Variants in PXDN observed in about 807,000 individuals in gnomAD.
PXDN encodes peroxidasin.
Under a neutral mutation model 140.3 loss-of-function variants are expected in PXDN, and 77 were observed. The observed-to-expected ratio is 0.55, with a 90% CI of 0.46 to 0.66. PXDN has a LOEUF of 0.66. Ranked by LOEUF, PXDN falls within the 30% of genes least tolerant of loss-of-function variation. PXDN has a pLI of 0.00. For synonymous variants in PXDN, 911 were observed against 857.4 expected, an observed-to-expected ratio of 1.06 and a Z score of -1.09; for missense variants, 1,838 against 2,039.5, an observed-to-expected ratio of 0.90 and a Z score of 1.90.
chr2:1,704,485 C>T (rs1684537600), intron 1 of PXDN, among the ~76,000 whole-genome samples: 1 of 72,980 alleles, frequency 1.4e-5, no homozygotes, highest in Non-Finnish European at 2.4e-5. Context: ...GGGGGGGCAA[C>T]TCCAGGTGAA....
At chr2:1,733,315 T>C (rs1205527700) in intron 1 of PXDN, among the ~76,000 whole-genome samples, 11 of 152,042 alleles carry the variant, frequency 7.2e-5, no homozygotes, top group Non-Finnish European at 1.3e-4. Context: ...CCAAGGCATA[T>C]CATAATCCAA....
intron 9 of PXDN, 128 bp downstream of exon 9, chr2:1,673,515 C>T: frequency 7.8e-7 from 1 of 1,286,750 alleles, no homozygotes; most frequent in South Asian, 1.4e-5. Flanking sequence ...TGAGCCAACC[C>T]TGGTACTGGA....
intron 9 of PXDN, among the ~76,000 whole-genome samples, chr2:1,670,756 C>A (rs576863986): frequency 2.6e-5 from 4 of 152,150 alleles, no homozygotes; most frequent in Admixed American, 2.6e-4. Context: ...TCAACACAGG[C>A]CCATGAAGAG....
chr2:1,736,480 G>T (rs1459133441), intron 1 of PXDN, among the ~76,000 whole-genome samples: 1 of 152,108 alleles, frequency 6.6e-6, no homozygotes, highest in Non-Finnish European at 1.5e-5. Context: ...TCTTACATGG[G>T]TGTGGTTTAT....
intron 1 of PXDN, among the ~76,000 whole-genome samples, chr2:1,730,081 C>T (rs1019256931): frequency 4.6e-5 from 7 of 152,198 alleles, no homozygotes; most frequent in South Asian, 2.1e-4. Context: ...GTACTACACA[C>T]GCCTGAATGC....
At chr2:1,634,912 C>T (rs527717876) in intron 22 of PXDN, among the ~76,000 whole-genome samples, 143 of 151,460 alleles carry the variant, frequency 9.4e-4, no homozygotes, top group African/African-American at 3.4e-3. Context: ...CTGTCCATTG[C>T]CGGCACCAGG....
chr2:1,639,078 TG>T lies in PXDN; in HGVS notation c.4074-101del, dbSNP rs1250675891. 9.7e-6 allele frequency: 1 copy of T among 102,690 alleles called. No homozygotes were observed. The highest frequency in any genetic ancestry group is 1.3e-5 in the Non-Finnish European group (1 of 79,738). 6.4% of individuals were successfully genotyped at this position (102,690 alleles called of 1,614,324 possible). ...TGGGTGTGCACCGCCCCTGATGCTC[TG>T]AGCTGGGTCTCATTTCAAGGTTTCC... On this transcript the variant is annotated intron_variant, in intron 20 of 22. Transcript: ENST00000252804. The surrounding 1 kb of genome is among the most constrained non-coding windows in gnomAD (Gnocchi z 5.0).
Position 1,648,440 on chromosome 2 carries a change from T to C in PXDN, c.3340A>G (p.Ile1114Val), listed in dbSNP as rs777186666. The stretch of plus-strand genomic sequence containing the variant: ...AACAGCCCCCTGAGAAGCGGATCGA[T>C]GCCGCCCTCATTCACAATCCGGAAG... ...SPFRIVNEGGIDPLLRGLFGV... is the reference protein window; with the variant it reads ...SPFRIVNEGGVDPLLRGLFGV... Residue 1114 changes from isoleucine to valine, a missense_variant, in exon 17 of 23, where the codon ATC becomes GTC. Ile to Val is a conservative substitution (Grantham distance 29). Coordinates refer to ENST00000252804, the MANE Select transcript of PXDN (RefSeq NM_012293.3). The surrounding 1 kb of genome is among the most constrained non-coding windows in gnomAD (Gnocchi z 8.9). The C allele has an allele frequency of 3.7e-6, 6 of 1,610,616 alleles. No individual in the cohort carries two copies. Among genetic ancestry groups the C allele is most frequent in the Non-Finnish European group, 5.1e-6 (6 of 1,179,850 alleles).
At chr2:1,653,216 C>CA (rs1337709897) in intron 16 of PXDN, 9 of 321,772 alleles carry the variant, frequency 2.8e-5, no homozygotes, top group African/African-American at 1.9e-4. Context: ...GGGACTCTTC[C>CA]AAAACAACCC....
At chr2:1,673,566 T>C (rs1683626005) in intron 9 of PXDN, 77 bp downstream of exon 9, 5 of 1,499,918 alleles carry the variant, frequency 3.3e-6, no homozygotes, top group Non-Finnish European at 4.5e-6. Context: ...TATTTTGGGG[T>C]GCAAGGAAAG....
At chr2:1,646,271 C>A (rs1682848986) in intron 17 of PXDN, 1 of 152,216 alleles carries the variant, frequency 6.6e-6, no homozygotes, top group Non-Finnish European at 1.5e-5. Flanking sequence ...ACATCCTTAA[C>A]TTCTTTACCA....
rs773022517 is a variant in PXDN at position 1,638,967 on chromosome 2, T to G, written c.4085A>C (p.Gln1362Pro). 32 of 1,613,858 alleles carry G rather than the reference T, an allele frequency of 2.0e-5. No homozygotes were observed. The highest frequency in any genetic ancestry group is 2.5e-5 in the Non-Finnish European group (30 of 1,179,862). The change falls in exon 21 of 23, where the codon CAG becomes CCG. Residue 1362 changes from glutamine to proline, a missense_variant. Gln to Pro is a moderately conservative substitution (Grantham distance 76, BLOSUM62 -1). This residue lies in a region of PXDN where 850 missense variants were observed against 894.1 expected (regional missense o/e 0.95). Coordinates refer to ENST00000252804, the MANE Select transcript of PXDN (RefSeq NM_012293.3). The stretch of plus-strand genomic sequence containing the variant: ...GGTGCTGTTGCTGAGATGTTCCCCC[T>G]GTCTCCCAACACTGTGGTGAGGGGA... ...RPRKIPSVGRQGEHLSNSTSA... is the reference protein window; with the variant it reads ...RPRKIPSVGRPGEHLSNSTSA...
At chr2:1,695,960 C>A (rs1572166907) in intron 1 of PXDN, among the ~76,000 whole-genome samples, 1 of 127,394 alleles carries the variant, frequency 7.8e-6, no homozygotes, top group African/African-American at 3.0e-5. Context: ...GGTCTGAGCA[C>A]CTGAGAGGTG....
intron 14 of PXDN, among the ~76,000 whole-genome samples, chr2:1,658,566 C>A (rs553182148): frequency 2.0e-4 from 30 of 152,076 alleles, no homozygotes; most frequent in South Asian, 6.2e-4. Flanking sequence ...CCCCCACTAT[C>A]CTCCCCGACA....
intron 1 of PXDN, among the ~76,000 whole-genome samples, chr2:1,709,087 C>T (rs1182105190): frequency 3.3e-5 from 5 of 152,196 alleles, no homozygotes; most frequent in African/African-American, 9.7e-5. Context: ...CTGGTCCCTG[C>T]GCCCTGGCTC....
At chr2:1,673,868 A>G in intron 8 of PXDN, 56 bp from the exon 9 acceptor site, 1 of 1,581,258 alleles carries the variant, frequency 6.3e-7, no homozygotes, top group Non-Finnish European at 8.7e-7. Flanking sequence ...GACGTACCTC[A>G]CCCATCCCCA....
rs1558494438 is a variant in PXDN at position 1,658,068 on chromosome 2, CTCTCTCTCTCT to C, written c.1837+2802_1837+2812del. ...TCTCTCTCTCTCTCTCTCTCTCTCTCTCTCTCTCTCTCTCTCTCTCTCTCTGTTACAGTGTC... is the reference window on the plus strand; with the variant it reads ...TCTCTCTCTCTCTCTCTCTCTCTCTCCTCTCTCTCTCTCTGTTACAGTGTC... On this transcript the variant is annotated intron_variant, in intron 14 of 22. Coordinates refer to ENST00000252804, the MANE Select transcript of PXDN (RefSeq NM_012293.3). 3.9e-4 allele frequency among the ~76,000 whole-genome samples: 48 copies of C among 122,444 alleles called. 6 individuals carry two copies. Among genetic ancestry groups the C allele is most frequent in the African/African-American group, 1.5e-3 (44 of 29,192 alleles). The allele number at this position is 122,444 out of a possible 152,430, so 80.3% of individuals were successfully genotyped here. A position where few individuals can be genotyped will look rare whatever the true frequency, so the allele number is the denominator to read the frequency against.
intron 8 of PXDN, among the ~76,000 whole-genome samples, chr2:1,674,589 G>T (rs34833393): frequency 0.35 from 52,474 of 152,004 alleles, 10,592 homozygotes; most frequent in East Asian, 0.53. Context: ...TTACCCCAAC[G>T]CTCAGTCCTG....
At position 1,648,335 on chromosome 2, in the gene PXDN, T is replaced by C. The variant is rs770653513; in HGVS notation, c.3445A>G (p.Thr1149Ala). The C allele has an allele frequency of 3.0e-5, 48 of 1,613,828 alleles. No homozygotes were observed. The highest frequency in any genetic ancestry group is 3.7e-5 in the Non-Finnish European group (44 of 1,179,888). ...ATGGCCGCCAGGTCCAGAGCCACCGTGTGTGCCATGGAGAACAGCCGCTCC... is the reference window on the plus strand; with the variant it reads ...ATGGCCGCCAGGTCCAGAGCCACCGCGTGTGCCATGGAGAACAGCCGCTCC... ...LTERLFSMAH[T>A]VALDLAAINI... The change falls in exon 17 of 23, where the codon ACG becomes GCG. Residue 1149 changes from threonine (T) to alanine (A), a missense_variant. Physicochemically the swap from Thr to Ala is moderately conservative, Grantham distance 58. This residue lies in a region of PXDN where 850 missense variants were observed against 894.1 expected (regional missense o/e 0.95). Coordinates refer to ENST00000252804, the MANE Select transcript of PXDN (RefSeq NM_012293.3). This position sits in a 1 kb window ranked among gnomAD's most constrained non-coding sequence, Gnocchi z 8.9.
Sources: gnomAD v4.1 joint callset for allele counts (sites outside exome capture counted in the v4.1 genomes callset) on GRCh38, gnomAD v4.1.1 for gene constraint, gnomAD v4.1.1 regional missense constraint, Gnocchi (gnomAD v3.1) non-coding constraint, MANE v1.5 for transcripts, NCBI Gene and HGNC (gene_info 2026-07-23, HGNC 2026-07-21) for gene names.